Variants in RMDN2 observed in about 807,000 individuals in gnomAD.
RMDN2 encodes the protein regulator of microtubule dynamics 2.
Under a neutral mutation model 52.8 loss-of-function variants are expected in RMDN2, and 61 were observed. The ratio of observed to expected loss-of-function variants is 1.16; its 90% CI spans 0.94 to 1.43. RMDN2 has a LOEUF of 1.43. Ranked by LOEUF, RMDN2 falls within the 40% of genes most tolerant of loss-of-function variation. The pLI, the probability that RMDN2 is intolerant of heterozygous loss-of-function variation, is 0.00. For synonymous variants in RMDN2, 180 were observed against 153.1 expected, an observed-to-expected ratio of 1.18 and a Z score of -1.30; for missense variants, 592 against 475.3, an observed-to-expected ratio of 1.25 and a Z score of -2.28.
chr2:38,015,643 C>A (rs927162648), intron 10 of RMDN2, among the ~76,000 whole-genome samples: 2 of 152,122 alleles, frequency 1.3e-5, no homozygotes, highest in Non-Finnish European at 2.9e-5. Flanking sequence ...AGAGTAGACT[C>A]TGCTAGACCC....
chr2:38,027,137 C>T (rs1333672316), intron 10 of RMDN2: 1 of 152,182 alleles, frequency 6.6e-6, no homozygotes, highest in African/African-American at 2.4e-5. Flanking sequence ...TCTTTCAAGC[C>T]CTCTACCTGC....
At chr2:38,020,635 A>G (rs967720069), downstream of RMDN2, among the ~76,000 whole-genome samples, 1 of 152,210 alleles carries the variant, frequency 6.6e-6, no homozygotes, top group East Asian at 1.9e-4. Flanking sequence ...GGCCCAGGCA[A>G]TGAGGGGCTT....
At chr2:38,038,585 C>G (rs553939751) in intron 10 of RMDN2, among the ~76,000 whole-genome samples, 1 of 152,202 alleles carries the variant, frequency 6.6e-6, no homozygotes, top group African/African-American at 2.4e-5. Context: ...ATGGTTTGCA[C>G]TCTTTTATAG....
intron 2 of RMDN2, chr2:37,952,783 CA>C (rs1253891581): frequency 2.0e-5 from 3 of 152,052 alleles, no homozygotes; most frequent in Non-Finnish European, 4.4e-5. Flanking sequence ...ATTTAGAAAC[CA>C]GATATTTTAA....
chr2:38,033,413 T>C (rs1680353488), intron 10 of RMDN2, among the ~76,000 whole-genome samples: 1 of 152,204 alleles, frequency 6.6e-6, no homozygotes, highest in Non-Finnish European at 1.5e-5. Context: ...CAGAACATTG[T>C]TGTTGGAAGG....
intron 2 of RMDN2, among the ~76,000 whole-genome samples, chr2:37,969,034 C>T (rs150846890): frequency 2.0e-5 from 3 of 148,814 alleles, no homozygotes; most frequent in African/African-American, 7.4e-5. Flanking sequence ...TTTCCCACAG[C>T]TGGGTTTTTT....
chr2:37,981,564 G>C (rs1485454167), intron 5 of RMDN2, among the ~76,000 whole-genome samples: 1 of 152,102 alleles, frequency 6.6e-6, no homozygotes, highest in African/African-American at 2.4e-5. Flanking sequence ...AAAAATTATT[G>C]AATGAATCTA....
At chr2:38,040,381 G>A (rs574258128) in intron 10 of RMDN2, among the ~76,000 whole-genome samples, 29 of 152,236 alleles carry the variant, frequency 1.9e-4, no homozygotes, top group African/African-American at 6.5e-4. Context: ...CCTTTGGAGA[G>A]TGATTAAGTC....
chr2:37,997,288 T>C lies in RMDN2; in HGVS notation c.946-128T>C, dbSNP rs993335498. On this transcript the variant is annotated intron_variant, in intron 7 of 10. Coordinates refer to ENST00000354545, the MANE Select transcript of RMDN2 (RefSeq NM_001170791.3). ...TATTATTTATGGATATATGTTTTCA[T>C]TTGTATATGTTATATCTATACACAC... is the stretch of plus-strand genomic sequence containing the variant. 7.6e-6 allele frequency: 5 copies of C among 660,440 alleles called. No individual in the cohort carries two copies. The African/African-American group carries it at 9.3e-5, about 12-fold the overall frequency. 40.9% of individuals were successfully genotyped at this position (660,440 alleles called of 1,614,324 possible).
At chr2:38,007,801 G>A (rs962095163) in intron 10 of RMDN2, among the ~76,000 whole-genome samples, 4 of 152,028 alleles carry the variant, frequency 2.6e-5, no homozygotes, top group African/African-American at 7.2e-5. Context: ...TGATGTTAGG[G>A]TGTCAATCTT....
chr2:37,997,254 T>A (rs980705057), intron 7 of RMDN2, among the ~76,000 whole-genome samples, 162 bp from the exon 8 acceptor site: 1 of 152,190 alleles, frequency 6.6e-6, no homozygotes, highest in African/African-American at 2.4e-5. Context: ...GGGTGGTATC[T>A]CTAATATATA....
intron 4 of RMDN2, among the ~76,000 whole-genome samples, chr2:37,980,307 G>T (rs1415499743): frequency 6.6e-6 from 1 of 151,872 alleles, no homozygotes; most frequent in East Asian, 1.9e-4. Flanking sequence ...TATTATTTTT[G>T]GTTTTTTTTT....
chr2:37,952,127 G>A (rs560349459), intron 2 of RMDN2: 30 of 1,613,162 alleles, frequency 1.9e-5, no homozygotes, highest in Non-Finnish European at 2.5e-5. Flanking sequence ...CTTCAGGCCT[G>A]TTTGAAGATG....
At chr2:38,041,947 C>G (rs996029870) in intron 10 of RMDN2, among the ~76,000 whole-genome samples, 1 of 152,068 alleles carries the variant, frequency 6.6e-6, no homozygotes, top group Non-Finnish European at 1.5e-5. Flanking sequence ...GATTTTGGTA[C>G]TTGAAAATGC....
In RMDN2 at chr2:37,939,747, C is replaced by T. The variant is rs931223164; in HGVS notation, c.452+10018C>T. Among the ~76,000 whole-genome samples, 6 of 152,122 alleles carry T rather than the reference C, an allele frequency of 3.9e-5. 1 individual carries two copies. The highest frequency in any genetic ancestry group is 1.4e-4 in the African/African-American group (6 of 41,420). On this transcript the variant is annotated intron_variant, in intron 2 of 10. Transcript: ENST00000354545. ...TTAGCTTTCCATTTGCTTTGTAAATCATCTTCCATCCCTTTATTTTGTGCA... is the reference window on the plus strand; with the variant it reads ...TTAGCTTTCCATTTGCTTTGTAAATTATCTTCCATCCCTTTATTTTGTGCA...
chr2:37,983,848 A>T (rs1239098337), intron 5 of RMDN2, among the ~76,000 whole-genome samples: 1 of 152,208 alleles, frequency 6.6e-6, no homozygotes, highest in Non-Finnish European at 1.5e-5. Flanking sequence ...TTCAGCATGA[A>T]TGACAAACTA....
chr2:37,993,539 G>C (rs1364849522), intron 7 of RMDN2, among the ~76,000 whole-genome samples: 1 of 151,860 alleles, frequency 6.6e-6, no homozygotes, highest in African/African-American at 2.4e-5. Context: ...ATAACAATAA[G>C]GGGAACAGCC....
chr2:37,990,489 A>G (rs900288049), intron 6 of RMDN2, among the ~76,000 whole-genome samples: 1 of 126,668 alleles, frequency 7.9e-6, no homozygotes, highest in Non-Finnish European at 1.6e-5. Context: ...ACTGCACTCG[A>G]GCCTGGGCAA....
At chr2:37,965,374 C>G (rs149187260) in intron 2 of RMDN2, among the ~76,000 whole-genome samples, 1 of 139,926 alleles carries the variant, frequency 7.1e-6, no homozygotes, top group African/African-American at 2.7e-5. Context: ...TTTTGATTTC[C>G]TTTTACATAT....
Sources: allele counts gnomAD v4.1 joint callset (sites outside exome capture counted in the v4.1 genomes callset), GRCh38; gene constraint gnomAD v4.1.1; transcripts MANE v1.5; gene names NCBI Gene and HGNC (gene_info 2026-07-23, HGNC 2026-07-21).